Variants in PPP2R5E observed in about 807,000 individuals in gnomAD.
PPP2R5E encodes serine/threonine-protein phosphatase 2A 56 kDa regulatory subunit epsilon isoform.
In PPP2R5E, 4 loss-of-function variants were observed where a neutral mutation model predicts 65.3. That is an observed-to-expected ratio of 0.06 (90% CI 0.03 to 0.14). PPP2R5E has a LOEUF of 0.14. Among genes scored for constraint, PPP2R5E ranks in the 10% least tolerant of loss-of-function variants. The pLI, the probability that PPP2R5E is intolerant of heterozygous loss-of-function variation, is 1.00. For missense variants in PPP2R5E, 274 were observed against 556.1 expected, an observed-to-expected ratio of 0.49 and a Z score of 5.10; for synonymous variants, 183 against 187.4, an observed-to-expected ratio of 0.98 and a Z score of 0.19.
At position 63,508,322 on chromosome 14, in the gene PPP2R5E, C is replaced by T. The variant is rs933352755; in HGVS notation, c.157+31207G>A. The stretch of plus-strand genomic sequence containing the variant: ...CTGCCTGTCACTCTTTGTTCTGTCA[C>T]TCTCACAAAACAACTGCATATATTC... On this transcript the variant is annotated intron_variant, in intron 2 of 13. Transcript: ENST00000337537. The T allele has an allele frequency of 4.9e-6, 3 of 609,382 alleles. No homozygotes were observed. The African/African-American group carries it at 6.0e-5, about 12-fold the overall frequency. 37.7% of individuals were successfully genotyped at this position (609,382 alleles called of 1,614,324 possible).
chr14:63,439,780 A>AACAT (rs1888127970), intron 3 of PPP2R5E, among the ~76,000 whole-genome samples: 1 of 152,160 alleles, frequency 6.6e-6, no homozygotes, highest in Non-Finnish European at 1.5e-5. Context: ...TCCATCATGG[A>AACAT]GATGGAGGGA....
intron 3 of PPP2R5E, among the ~76,000 whole-genome samples, chr14:63,433,032 G>GTTTTTTTTTTTTTTTTTTTTTTTT (rs747571866): frequency 4.1e-5 from 4 of 96,462 alleles, no homozygotes; most frequent in South Asian, 3.8e-4. Flanking sequence ...GTTTTGTTTT[G>GTTTTTTTTTTTTTTTTTTTTTTTT]TTTTTTTTTT....
chr14:63,450,020 C>A (rs1375162054), intron 3 of PPP2R5E, among the ~76,000 whole-genome samples: 1 of 151,998 alleles, frequency 6.6e-6, no homozygotes, highest in Non-Finnish European at 1.5e-5. Context: ...GGATTACAGG[C>A]ATGTGCCACC....
At chr14:63,436,692 C>G (rs758210681) in intron 3 of PPP2R5E, among the ~76,000 whole-genome samples, 2 of 152,202 alleles carry the variant, frequency 1.3e-5, no homozygotes, top group Non-Finnish European at 2.9e-5. Context: ...AGCCAGCCCT[C>G]CCCGTTGACA....
At chr14:63,539,383 T>C in intron 2 of PPP2R5E, 146 bp downstream of exon 2, 3 of 781,870 alleles carry the variant, frequency 3.8e-6, no homozygotes, top group Non-Finnish European at 5.7e-6. Flanking sequence ...GTGGGTATAT[T>C]TGGTCACACA....
rs3783745 is a variant in PPP2R5E, at chr14:63,394,772, A to T, written c.740+454T>A. 8.7e-3 allele frequency among the ~76,000 whole-genome samples: 1,330 copies of T among 152,352 alleles called. 16 individuals are homozygous for T. Among genetic ancestry groups the T allele is most frequent in the East Asian group, 0.051 (265 of 5,190 alleles). On this transcript the variant is annotated intron_variant, in intron 7 of 13. Coordinates refer to ENST00000337537, the MANE Select transcript of PPP2R5E (RefSeq NM_006246.5). ...CCTTGTGTGTAGAAACTTACACCAC[A>T]GCTCTTTCCAATTCATTCCACTACT...
chr14:63,429,431 A>C (rs1227944858), intron 3 of PPP2R5E, among the ~76,000 whole-genome samples: 1 of 152,238 alleles, frequency 6.6e-6, no homozygotes, highest in Non-Finnish European at 1.5e-5. Context: ...ATAAACAGAA[A>C]ACATTCCAGG....
At chr14:63,498,941 G>A (rs751394439) in intron 2 of PPP2R5E, among the ~76,000 whole-genome samples, 3 of 151,982 alleles carry the variant, frequency 2.0e-5, no homozygotes, top group African/African-American at 7.3e-5. Flanking sequence ...GTAAATATTA[G>A]GAATCGTAAG....
rs748146106 is a variant in PPP2R5E at position 63,520,859 on chromosome 14, C to CAAAAAAAA, written c.157+18662_157+18669dup. ...TGAAACCTCATCTCTACTAAAAATA[C>CAAAAAAAA]AAAAAAAAAAAAAAAAAAAAAAAAA... On this transcript the variant is annotated intron_variant, in intron 2 of 13. Coordinates refer to ENST00000337537, the MANE Select transcript of PPP2R5E (RefSeq NM_006246.5). Among the ~76,000 whole-genome samples, 70 of 58,526 alleles carry CAAAAAAAA rather than the reference C, an allele frequency of 1.2e-3. 2 individuals are homozygous for CAAAAAAAA. The highest frequency in any genetic ancestry group is 1.5e-3 in the Non-Finnish European group (37 of 24,210). 38.4% of individuals were successfully genotyped at this position (58,526 alleles called of 152,430 possible). A position where few individuals can be genotyped will look rare whatever the true frequency, so the allele number is the denominator to read the frequency against.
At chr14:63,386,665 G>A (rs1183465562) in intron 11 of PPP2R5E, among the ~76,000 whole-genome samples, 1 of 152,192 alleles carries the variant, frequency 6.6e-6, no homozygotes, top group South Asian at 2.1e-4. Flanking sequence ...GCTCATGCCT[G>A]TAATCTCAGC....
chr14:63,403,926 T>G (rs1167602633), intron 5 of PPP2R5E, among the ~76,000 whole-genome samples: 1 of 152,192 alleles, frequency 6.6e-6, no homozygotes, highest in Non-Finnish European at 1.5e-5. Context: ...GAGGGAGTTA[T>G]AGTGGGAGAT....
intron 2 of PPP2R5E, among the ~76,000 whole-genome samples, chr14:63,478,361 G>A (rs150867216): frequency 1.3e-5 from 2 of 151,970 alleles, no homozygotes; most frequent in African/African-American, 4.8e-5. Flanking sequence ...AATTAAAAAT[G>A]GGAAAATTTT....
intron 12 of PPP2R5E, among the ~76,000 whole-genome samples, chr14:63,384,175 A>C (rs1017307990): frequency 1.3e-5 from 2 of 151,664 alleles, no homozygotes; most frequent in African/African-American, 4.9e-5. Flanking sequence ...GTATCTACAC[A>C]CCTCTCCTCT....
chr14:63,511,731 T>A (rs184606206), intron 2 of PPP2R5E, among the ~76,000 whole-genome samples: 1 of 152,272 alleles, frequency 6.6e-6, no homozygotes, highest in East Asian at 1.9e-4. Flanking sequence ...ACCGTGTAGC[T>A]CATTAAAATG....
intron 4 of PPP2R5E, among the ~76,000 whole-genome samples, chr14:63,421,590 T>C (rs1196558478): frequency 6.6e-6 from 1 of 152,220 alleles, no homozygotes; most frequent in Non-Finnish European, 1.5e-5. Context: ...TTGTAGTTAA[T>C]GTGATGACAG....
chr14:63,465,164 T>C (rs1008450710), intron 2 of PPP2R5E, among the ~76,000 whole-genome samples: 1 of 152,130 alleles, frequency 6.6e-6, no homozygotes, highest in Non-Finnish European at 1.5e-5. Context: ...CAAATATTTA[T>C]CAAGTATCTA....
At chr14:63,426,699 CAAAAAAA>C (rs1191603099) in intron 3 of PPP2R5E, among the ~76,000 whole-genome samples, 172 of 54,838 alleles carry the variant, frequency 3.1e-3, no homozygotes, top group African/African-American at 5.1e-3. Flanking sequence ...AAAGGCTTAT[CAAAAAAA>C]AAAAAAAAAA....
chr14:63,434,930 A>T (rs1887879455), intron 3 of PPP2R5E, among the ~76,000 whole-genome samples: 2 of 152,256 alleles, frequency 1.3e-5, no homozygotes, highest in African/African-American at 4.8e-5. Context: ...CCCAAATTGG[A>T]AAATCAGTTA....
At chr14:63,379,204 A>C (rs1272656321) in intron 13 of PPP2R5E, among the ~76,000 whole-genome samples, 1 of 150,992 alleles carries the variant, frequency 6.6e-6, no homozygotes, top group Admixed American at 6.6e-5. Context: ...AATTTTTTGT[A>C]GTTTTAGTAG....
Sources: allele counts gnomAD v4.1 joint callset (sites outside exome capture counted in the v4.1 genomes callset), GRCh38; gene constraint gnomAD v4.1.1; transcripts MANE v1.5; gene names NCBI Gene and HGNC (gene_info 2026-07-23, HGNC 2026-07-21).